The following GPC6 variants were observed in gnomAD, a reference collection of about 807,000 sequenced individuals.
The protein encoded by GPC6 is glypican 6.
In GPC6, 14 loss-of-function variants were observed where a neutral mutation model predicts 55.2. The ratio of observed to expected loss-of-function variants is 0.25; its 90% CI spans 0.17 to 0.40. The LOEUF (loss-of-function observed/expected upper bound fraction) is 0.40, where lower values mean the gene tolerates loss of function less well. Ranked by LOEUF, GPC6 falls within the 10% of genes least tolerant of loss-of-function variation. The pLI is 1.00. For missense variants in GPC6, 641 were observed against 708.5 expected (o/e 0.90, Z 1.08); for synonymous variants, 278 against 259.6 (o/e 1.07, Z -0.68).
intron 1 of GPC6, among the ~76,000 whole-genome samples, chr13:93,414,519 T>C (rs1033466011): frequency 2.0e-5 from 3 of 152,112 alleles, no homozygotes; most frequent in African/African-American, 7.2e-5. Context: ...TCTTTATATA[T>C]CCAGAATTTA....
At chr13:93,610,022 T>C (rs548177385) in intron 2 of GPC6, among the ~76,000 whole-genome samples, 1 of 152,324 alleles carries the variant, frequency 6.6e-6, no homozygotes, top group East Asian at 1.9e-4. Flanking sequence ...TGCAGCTGTT[T>C]CCTGTGACCC....
At chr13:94,109,670 C>T (rs1886172682) in intron 4 of GPC6, among the ~76,000 whole-genome samples, 1 of 152,052 alleles carries the variant, frequency 6.6e-6, no homozygotes, top group Non-Finnish European at 1.5e-5. Flanking sequence ...AGTATGGTAC[C>T]TACAAACCAT....
At chr13:93,385,641 G>A (rs1470232036) in intron 1 of GPC6, among the ~76,000 whole-genome samples, 2 of 152,210 alleles carry the variant, frequency 1.3e-5, no homozygotes, top group East Asian at 1.9e-4. Context: ...TGGAGAACAC[G>A]CCTTTCAGTT....
At chr13:93,925,454 A>G (rs989395817) in intron 3 of GPC6, among the ~76,000 whole-genome samples, 1 of 152,212 alleles carries the variant, frequency 6.6e-6, no homozygotes, top group African/African-American at 2.4e-5. Flanking sequence ...TGAGTTGGTT[A>G]TAAGAAGTAG....
At chr13:94,255,187 A>G (rs1266530230) in intron 4 of GPC6, among the ~76,000 whole-genome samples, 1 of 152,200 alleles carries the variant, frequency 6.6e-6, no homozygotes, top group African/African-American at 2.4e-5. Context: ...CAAAACTAAG[A>G]CTGGCTAGGC....
intron 1 of GPC6, among the ~76,000 whole-genome samples, chr13:93,362,977 A>G (rs9516225): frequency 0.13 from 19,072 of 152,086 alleles, 1,517 homozygotes; most frequent in East Asian, 0.37. Context: ...AGGTCAGAAC[A>G]GTCTGAATTC....
chr13:94,097,506 C>CACAA (rs1451764188), intron 4 of GPC6, among the ~76,000 whole-genome samples: 19 of 70,262 alleles, frequency 2.7e-4, no homozygotes, highest in Admixed American at 2.2e-3. Context: ...GACTCTGTCT[C>CACAA]AAAAAAAAAA....
At chr13:94,164,709 A>C (rs1341759277) in intron 4 of GPC6, among the ~76,000 whole-genome samples, 1 of 152,166 alleles carries the variant, frequency 6.6e-6, no homozygotes, top group Non-Finnish European at 1.5e-5. Flanking sequence ...GGATAGAATA[A>C]CTTAAAGAAT....
chr13:94,118,992 ATGTATGTG>A (rs1429202166), intron 4 of GPC6, among the ~76,000 whole-genome samples: 22 of 37,868 alleles, frequency 5.8e-4, no homozygotes, highest in African/African-American at 1.8e-3. Flanking sequence ...TATATACATT[ATGTATGTG>A]TGTGTGTGTG....
chr13:93,854,662 T>C (rs1444995934), intron 3 of GPC6, among the ~76,000 whole-genome samples: 2 of 151,786 alleles, frequency 1.3e-5, no homozygotes, highest in Admixed American at 6.6e-5. Context: ...GTTTTAATTA[T>C]TGACTACAGA....
chr13:93,871,379 A>G (rs1195866818), intron 3 of GPC6, among the ~76,000 whole-genome samples: 1 of 151,952 alleles, frequency 6.6e-6, no homozygotes, highest in African/African-American at 2.4e-5. Context: ...TTAGCTCTTT[A>G]AGGTAATACA....
intron 1 of GPC6, among the ~76,000 whole-genome samples, chr13:93,236,725 C>T (rs1011554618): frequency 1.3e-5 from 2 of 152,136 alleles, no homozygotes; most frequent in African/African-American, 4.8e-5. Flanking sequence ...TGAAACCATT[C>T]CCTGGTGCCA....
chr13:94,131,822 G>A (rs1341995173), intron 4 of GPC6, among the ~76,000 whole-genome samples: 1 of 152,102 alleles, frequency 6.6e-6, no homozygotes, highest in African/African-American at 2.4e-5. Context: ...TGGGCCTAAG[G>A]ATGAGGGTAG....
intron 6 of GPC6, among the ~76,000 whole-genome samples, chr13:94,356,013 T>C (rs998220917): frequency 1.3e-5 from 2 of 152,150 alleles, no homozygotes; most frequent in African/African-American, 4.8e-5. Context: ...CTCCCACTTA[T>C]AAGTGAGAAA....
At chr13:93,623,721 A>G (rs142437641) in intron 2 of GPC6, among the ~76,000 whole-genome samples, 2,754 of 152,082 alleles carry the variant, frequency 0.018, 69 homozygotes, top group African/African-American at 0.061. Context: ...GCCTCTCAAA[A>G]TGCTGGGATT....
chr13:93,588,681 C>T (rs919347351), intron 2 of GPC6, among the ~76,000 whole-genome samples: 1 of 152,082 alleles, frequency 6.6e-6, no homozygotes, highest in African/African-American at 2.4e-5. Context: ...ATCACATGGC[C>T]AGAGCAATGC....
intron 4 of GPC6, among the ~76,000 whole-genome samples, chr13:94,191,657 A>T (rs1340080892): frequency 1.3e-5 from 2 of 152,190 alleles, no homozygotes; most frequent in East Asian, 3.8e-4. Flanking sequence ...AAGTAAAAAA[A>T]AAAATTGAGA....
intron 2 of GPC6, among the ~76,000 whole-genome samples, chr13:93,637,622 A>G (rs746048538): frequency 2.0e-5 from 3 of 152,164 alleles, no homozygotes; most frequent in Non-Finnish European, 4.4e-5. Flanking sequence ...TGTTCTATAG[A>G]AAATGTGCAT....
At chr13:93,772,269 G>T (rs183881151) in intron 2 of GPC6, among the ~76,000 whole-genome samples, 144 of 152,200 alleles carry the variant, frequency 9.5e-4, no homozygotes, top group African/African-American at 3.2e-3. Flanking sequence ...CATTGGTTAG[G>T]TTTACAGATG....
Sources: allele counts gnomAD v4.1 joint callset (sites outside exome capture counted in the v4.1 genomes callset), GRCh38; gene constraint gnomAD v4.1.1; transcripts MANE v1.5; gene names NCBI Gene and HGNC (gene_info 2026-07-23, HGNC 2026-07-21).